C1orf50: variants seen among roughly 807,000 people sequenced by gnomAD.
C1orf50 encodes uncharacterized protein C1orf50.
In C1orf50, 22 loss-of-function variants were observed where a neutral mutation model predicts 23.3. The observed-to-expected ratio is 0.94, with a 90% CI of 0.67 to 1.35. C1orf50 has a LOEUF of 1.35. C1orf50 is among the 40% of genes most tolerant of loss of function. The pLI is 0.00. For synonymous variants in C1orf50, 96 were observed against 102.4 expected (o/e 0.94, Z 0.38); for missense variants, 271 against 249.4 (o/e 1.09, Z -0.58).
At chr1:42,770,381 T>C (rs1653189934) in intron 2 of C1orf50, among the ~76,000 whole-genome samples, 1 of 152,044 alleles carries the variant, frequency 6.6e-6, no homozygotes, top group Non-Finnish European at 1.5e-5. Context: ...CTACCTTAGC[T>C]CTAGAAATAC....
At chr1:42,773,972 G>A (rs144858157) in intron 3 of C1orf50, among the ~76,000 whole-genome samples, 6,502 of 152,058 alleles carry the variant, frequency 0.043, 234 homozygotes, top group Admixed American at 0.055. Flanking sequence ...ACAGGTGCCC[G>A]CCACCACACC....
intron 3 of C1orf50, among the ~76,000 whole-genome samples, 159 bp downstream of exon 3, chr1:42,773,808 A>T (rs956190400): frequency 6.6e-6 from 1 of 152,132 alleles, no homozygotes; most frequent in Non-Finnish European, 1.5e-5. Flanking sequence ...GAGGTTAAGT[A>T]TAAGTTTTTG....
chr1:42,773,867 G>C (rs182384378), intron 3 of C1orf50, among the ~76,000 whole-genome samples: 1 of 152,204 alleles, frequency 6.6e-6, no homozygotes, highest in Admixed American at 6.5e-5. Context: ...TTGTTGCCCA[G>C]GCTGGAGTGC....
At chr1:42,773,507 C>T (rs770773779) in intron 2 of C1orf50, 56 bp from the exon 3 acceptor site, 49 of 1,054,688 alleles carry the variant, frequency 4.6e-5, no homozygotes, top group Non-Finnish European at 6.6e-5. Context: ...AAGATAAGAA[C>T]ATCATAGAAG....
intron 2 of C1orf50, among the ~76,000 whole-genome samples, chr1:42,769,488 G>A (rs1242033234): frequency 1.3e-5 from 2 of 151,894 alleles, no homozygotes; most frequent in Admixed American, 1.3e-4. Context: ...AGAGGTTGCA[G>A]TGAGCTGAGA....
chr1:42,775,512 C>T lies in C1orf50; in HGVS notation c.*118C>T. On this transcript the variant is annotated 3_prime_UTR_variant, in exon 5 of 5. Coordinates refer to ENST00000372525, the MANE Select transcript of C1orf50 (RefSeq NM_024097.4). ...ACTCACAAACTTCTTGGAAAGAGAC[C>T]CTGTGTGAATGTAAATGCTGTCATT... 1 of 836,842 alleles carries T rather than the reference C, an allele frequency of 1.2e-6. No individual in the cohort carries two copies. Among genetic ancestry groups the T allele is most frequent in the South Asian group, 2.2e-5 (1 of 46,222 alleles). 51.8% of individuals were successfully genotyped at this position (836,842 alleles called of 1,614,324 possible).
chr1:42,776,995 A>G lies in C1orf50; in HGVS notation c.*1601A>G, dbSNP rs554434864. 2 of 152,370 alleles carry G rather than the reference A, an allele frequency of 1.3e-5. No individual in the cohort carries two copies. The highest frequency in any genetic ancestry group is 2.9e-5 in the Non-Finnish European group (2 of 68,038). The allele number at this position is 152,370 out of a possible 1,614,324, so 9.4% of individuals were successfully genotyped here. Reference sequence around the variant, plus strand: ...TTCACAGTTTCTCTGAAACCCTGGAAGGCTGAAATCAAGTTATTGGTCAGG... The same window carrying G: ...TTCACAGTTTCTCTGAAACCCTGGAGGGCTGAAATCAAGTTATTGGTCAGG... On this transcript the variant is annotated 3_prime_UTR_variant, in exon 5 of 5. Transcript: ENST00000372525.
intron 4 of C1orf50, 105 bp from the exon 5 acceptor site, chr1:42,775,104 A>G: frequency 9.0e-7 from 1 of 1,116,782 alleles, no homozygotes; most frequent in African/African-American, 1.5e-5. Context: ...TGTTCTGACT[A>G]GTATGAAGTG....
intron 2 of C1orf50, among the ~76,000 whole-genome samples, 162 bp downstream of exon 2, chr1:42,767,786 G>A (rs952211265): frequency 3.3e-5 from 5 of 152,210 alleles, no homozygotes; most frequent in African/African-American, 1.2e-4. Context: ...TCGGTGGCCT[G>A]ATTCGAATGA....
At chr1:42,767,739 C>T (rs970714631) in intron 2 of C1orf50, 115 bp downstream of exon 2, 2 of 932,170 alleles carry the variant, frequency 2.1e-6, no homozygotes, top group African/African-American at 3.3e-5. Flanking sequence ...CTCTTGTCTC[C>T]ATTTTACAGA....
Position 42,776,130 on chromosome 1 carries a change from C to T in C1orf50, c.*736C>T, listed in dbSNP as rs1653336247. The T allele has an allele frequency of 6.6e-6, 1 of 152,288 alleles. No homozygotes were observed. Among genetic ancestry groups the T allele is most frequent in the Non-Finnish European group, 1.5e-5 (1 of 68,052 alleles). 9.4% of individuals were successfully genotyped at this position (152,288 alleles called of 1,614,324 possible). On this transcript the variant is annotated 3_prime_UTR_variant, in exon 5 of 5. Transcript: ENST00000372525. ...CTGCCACTAATCATTATAGAGTCCA[C>T]TGTGTAGTCTCCCAAGTTGGAAATC...
Position 42,767,533 on chromosome 1 carries a change from C to T in C1orf50, c.104C>T (p.Thr35Ile), listed in dbSNP as rs201893746. ...GGAGCCCTGGTGGAGCTCACCCCGA[C>T]CCCCGGCGGCCTGGCCCTGGTGAGC... ...QGGALVELTP[T>I]PGGLALVSPY... is the part of the protein sequence containing the mutation. The change falls in exon 2 of 5, where the codon ACC becomes ATC. Residue 35 changes from threonine to isoleucine, a missense_variant. Physicochemically the swap from Thr to Ile is moderately conservative, Grantham distance 89. Transcript: ENST00000372525. The T allele has an allele frequency of 3.0e-5, 47 of 1,593,140 alleles. No homozygotes were observed. Among genetic ancestry groups the T allele is most frequent in the Non-Finnish European group, 3.8e-5 (45 of 1,170,498 alleles).
intron 2 of C1orf50, 90 bp from the exon 3 acceptor site, chr1:42,773,473 A>C: frequency 1.2e-6 from 1 of 817,366 alleles, no homozygotes; most frequent in Non-Finnish European, 2.0e-6. Context: ...GGCAGAAGCA[A>C]AATATTAACA....
At chr1:42,767,821 A>C (rs1419128103) in intron 2 of C1orf50, among the ~76,000 whole-genome samples, 197 bp downstream of exon 2, 1 of 152,180 alleles carries the variant, frequency 6.6e-6, no homozygotes, top group Non-Finnish European at 1.5e-5. Flanking sequence ...AGGTTCCTCT[A>C]ACTGCAACTT....
intron 1 of C1orf50, 22 bp downstream of exon 1, chr1:42,767,412 A>G (rs1199409526): frequency 1.3e-6 from 2 of 1,555,548 alleles, no homozygotes; most frequent in South Asian, 1.2e-5. Context: ...GGGAGTCAGC[A>G]GGGGGAAGTC....
intron 3 of C1orf50, 101 bp downstream of exon 3, chr1:42,773,750 C>T (rs1653273071): frequency 4.3e-6 from 3 of 702,396 alleles, no homozygotes; most frequent in South Asian, 3.5e-5. Flanking sequence ...TCTTTAATAC[C>T]TCCTAGAAAT....
At chr1:42,774,553 C>T (rs1557585605) in intron 3 of C1orf50, among the ~76,000 whole-genome samples, 184 bp from the exon 4 acceptor site, 1 of 152,216 alleles carries the variant, frequency 6.6e-6, no homozygotes, top group African/African-American at 2.4e-5. Flanking sequence ...GGCATTTTTA[C>T]AGCATAGCAG....
chr1:42,772,652 G>T (rs1178625595), intron 2 of C1orf50, among the ~76,000 whole-genome samples: 1 of 152,040 alleles, frequency 6.6e-6, no homozygotes, highest in Non-Finnish European at 1.5e-5. Flanking sequence ...ATGGTGGCGG[G>T]CACCTGTAAT....
chr1:42,768,916 GA>G lies in C1orf50; in HGVS notation c.195+1302del, dbSNP rs998134544. Among the ~76,000 whole-genome samples, 1,143 of 148,424 alleles carry G rather than the reference GA, an allele frequency of 7.7e-3. 14 individuals carry two copies. The highest frequency in any genetic ancestry group is 0.02 in the African/African-American group (816 of 40,590). On this transcript the variant is annotated intron_variant, in intron 2 of 4. Coordinates refer to ENST00000372525, the MANE Select transcript of C1orf50 (RefSeq NM_024097.4). ...TACAATCTGTATTTGAGAAGCTGAA[GA>G]AAAAAAAAACTTTAGAGACAAACAA... is the stretch of plus-strand genomic sequence containing the variant.
Sources: allele counts gnomAD v4.1 joint callset (sites outside exome capture counted in the v4.1 genomes callset), GRCh38; gene constraint gnomAD v4.1.1; transcripts MANE v1.5; gene names NCBI Gene and HGNC (gene_info 2026-07-23, HGNC 2026-07-21).